Variants in PTGES3 observed in about 807,000 individuals in gnomAD.
The protein encoded by PTGES3 is Hsp90 co-chaperone.
Under a neutral mutation model 29.9 loss-of-function variants are expected in PTGES3, and 5 were observed. That is an observed-to-expected ratio of 0.17 (90% confidence interval 0.09 to 0.35). The LOEUF is 0.35. Ranked by LOEUF, PTGES3 falls within the 10% of genes least tolerant of loss-of-function variation. The pLI is 1.00. For missense variants in PTGES3, 128 were observed against 190.0 expected (o/e 0.67, Z 1.92); for synonymous variants, 49 against 57.8 (o/e 0.85, Z 0.69).
At chr12:56,687,597 G>C in intron 1 of PTGES3, 1 of 1,074,780 alleles carries the variant, frequency 9.3e-7, no homozygotes, top group South Asian at 3.1e-5. Flanking sequence ...CCTGGCCCCG[G>C]GACCACAAAG....
chr12:56,687,830 C>T, intron 1 of PTGES3, 168 bp downstream of exon 1: 1 of 1,459,954 alleles, frequency 6.8e-7, no homozygotes, highest in Non-Finnish European at 9.0e-7. Flanking sequence ...GGAAAAATGT[C>T]CTCCACCCGC....
At chr12:56,677,248 CA>C (rs35136696) in intron 1 of PTGES3, among the ~76,000 whole-genome samples, 10,869 of 109,956 alleles carry the variant, frequency 0.099, 870 homozygotes, top group African/African-American at 0.26. Flanking sequence ...CCGCACCACC[CA>C]AAAAAAAAAA....
rs1311121680 is a variant in PTGES3 at position 56,688,207 on chromosome 12, G to C, written c.-208C>G. ...GCGGAAAGAGCGGCTCCTCCGGTCG[G>C]GGAGAAGAGGAAAGTGTAGGAAAAG... On this transcript the variant is annotated 5_prime_UTR_variant, in exon 1 of 8. Coordinates refer to ENST00000262033, the MANE Select transcript of PTGES3 (RefSeq NM_006601.7). The C allele has an allele frequency of 2.3e-6, 2 of 886,470 alleles. No individual in the cohort carries two copies. Among genetic ancestry groups the C allele is most frequent in the East Asian group, 3.3e-5 (1 of 30,308 alleles). 54.9% of individuals were successfully genotyped at this position (886,470 alleles called of 1,614,324 possible).
chr12:56,673,789 CAAAAAAAAAA>C (rs57371154), intron 1 of PTGES3, among the ~76,000 whole-genome samples: 2 of 92,382 alleles, frequency 2.2e-5, no homozygotes, highest in Non-Finnish European at 2.2e-5. Context: ...GAGACTGTCT[CAAAAAAAAAA>C]AAAAAAAAAA....
At position 56,674,348 on chromosome 12, in the gene PTGES3, G is replaced by A. The variant is rs146289913; in HGVS notation, c.3-1283C>T. Among the ~76,000 whole-genome samples, 4 of 152,284 alleles carry A rather than the reference G, an allele frequency of 2.6e-5. No individual in the cohort carries two copies. The South Asian group carries it at 6.2e-4, about 24-fold the overall frequency. On this transcript the variant is annotated intron_variant, in intron 1 of 7. Coordinates refer to ENST00000262033, the MANE Select transcript of PTGES3 (RefSeq NM_006601.7). The stretch of plus-strand genomic sequence containing the variant: ...ATTTTCAGCCTCGTGGAAATGTGAA[G>A]AAATAAATTTCTGCTGTTTAAGCCA...
intron 1 of PTGES3, among the ~76,000 whole-genome samples, chr12:56,678,515 TAAAACTA>T (rs1385861522): frequency 3.9e-5 from 6 of 152,188 alleles, no homozygotes; most frequent in Non-Finnish European, 5.9e-5. Context: ...TTGCACATAG[TAAAACTA>T]TCAAATGGAT....
At chr12:56,683,653 AAAAC>A (rs1431722982) in intron 1 of PTGES3, among the ~76,000 whole-genome samples, 3 of 149,324 alleles carry the variant, frequency 2.0e-5, no homozygotes, top group South Asian at 2.1e-4. Flanking sequence ...CCATCTCAAA[AAAAC>A]AAACAAAAAC....
chr12:56,687,019 A>AC (rs1253872065), intron 1 of PTGES3: 3 of 390,936 alleles, frequency 7.7e-6, no homozygotes. Context: ...AAAAAAAAAA[A>AC]AAAAAAAAAA....
rs1351653867 is a variant in PTGES3, at chr12:56,677,928, C to T, written c.3-4863G>A. On this transcript the variant is annotated intron_variant, in intron 1 of 7. Transcript: ENST00000262033. ...ATCTTGGCACATGATTTGGTAGCCA[C>T]AGGCCACAGGACTAGCAGGTTTATT... 3.3e-5 allele frequency among the ~76,000 whole-genome samples: 5 copies of T among 152,268 alleles called. No homozygotes were observed. The South Asian group carries it at 8.3e-4, about 25-fold the overall frequency.
chr12:56,674,990 G>A (rs1318968899), intron 1 of PTGES3, among the ~76,000 whole-genome samples: 1 of 86,350 alleles, frequency 1.2e-5, no homozygotes, highest in African/African-American at 4.6e-5. Flanking sequence ...GGCAACAAGA[G>A]TGAAACTCGG....
At chr12:56,676,287 CTTATT>C in intron 1 of PTGES3, among the ~76,000 whole-genome samples, 1 of 148,794 alleles carries the variant, frequency 6.7e-6, no homozygotes, top group East Asian at 2.0e-4. Context: ...TGACAGAAGG[CTTATT>C]TTTTTTCACT....
chr12:56,675,027 A>AAAAAAT (rs71081385), intron 1 of PTGES3, among the ~76,000 whole-genome samples: 3 of 144,354 alleles, frequency 2.1e-5, no homozygotes, highest in South Asian at 2.2e-4. Flanking sequence ...AAAAAAAAAA[A>AAAAAAT]GTGCTGGTTC....
intron 1 of PTGES3, among the ~76,000 whole-genome samples, chr12:56,676,947 T>A (rs77205032): frequency 0.019 from 982 of 51,034 alleles, no homozygotes; most frequent in Middle Eastern, 0.043. Flanking sequence ...AAAAAAAAAA[T>A]AGTGCTGGCT....
chr12:56,685,757 A>C (rs1325750951), intron 1 of PTGES3, among the ~76,000 whole-genome samples: 2 of 137,190 alleles, frequency 1.5e-5, no homozygotes, highest in African/African-American at 5.4e-5. Flanking sequence ...TAGTCTCTCT[A>C]CTGCTACACT....
At chr12:56,687,944 A>C in intron 1 of PTGES3, 54 bp downstream of exon 1, 1 of 1,604,104 alleles carries the variant, frequency 6.2e-7, no homozygotes, top group Non-Finnish European at 8.5e-7. Flanking sequence ...GGGAGCCCCC[A>C]ACGCGGCCTC....
intron 1 of PTGES3, among the ~76,000 whole-genome samples, chr12:56,677,721 A>G (rs944205678): frequency 6.6e-6 from 1 of 152,076 alleles, no homozygotes. Context: ...CAACCACCAG[A>G]AATTCAGTTT....
At chr12:56,686,847 G>A (rs570711730) in intron 1 of PTGES3, 25 of 396,870 alleles carry the variant, frequency 6.3e-5, no homozygotes, top group African/African-American at 5.2e-4. Context: ...ATCATGACTT[G>A]AATCAAGCAA....
chr12:56,686,095 G>A (rs1306840917), intron 1 of PTGES3, among the ~76,000 whole-genome samples: 1 of 111,796 alleles, frequency 8.9e-6, no homozygotes, highest in Admixed American at 1.0e-4. Context: ...TTTCACCCAA[G>A]TTTTTAAATC....
At chr12:56,666,835 C>T (rs958018710) in intron 5 of PTGES3, among the ~76,000 whole-genome samples, 1 of 152,066 alleles carries the variant, frequency 6.6e-6, no homozygotes, top group Admixed American at 6.6e-5. Context: ...CCATGTTGCC[C>T]AGGCTGGTCT....
Sources: allele counts gnomAD v4.1 joint callset (sites outside exome capture counted in the v4.1 genomes callset), GRCh38; gene constraint gnomAD v4.1.1; transcripts MANE v1.5; gene names NCBI Gene and HGNC (gene_info 2026-07-23, HGNC 2026-07-21).